The following SGCD variants were observed in gnomAD, a reference collection of about 807,000 sequenced individuals.
The protein encoded by SGCD is delta-sarcoglycan.
SGCD carries 18 observed loss-of-function variants against 36.6 expected under a neutral mutation model. The ratio of observed to expected loss-of-function variants is 0.49; its 90% CI spans 0.34 to 0.73. The LOEUF (loss-of-function observed/expected upper bound fraction) is 0.73, where lower values mean the gene tolerates loss of function less well. Ranked by LOEUF, SGCD falls within the 30% of genes least tolerant of loss-of-function variation. SGCD has a pLI of 0.01. For synonymous variants in SGCD, 133 were observed against 130.6 expected (o/e 1.02, Z -0.12); for missense variants, 387 against 346.7 (o/e 1.12, Z -0.92).
chr5:156,099,903 G>T (rs1761480013), intron 1 of SGCD, among the ~76,000 whole-genome samples: 2 of 150,400 alleles, frequency 1.3e-5, no homozygotes, highest in Non-Finnish European at 2.9e-5. Context: ...GTTAATATAT[G>T]CAGTGAAAAC....
chr5:156,611,351 C>G (rs888987187), intron 6 of SGCD, among the ~76,000 whole-genome samples: 16 of 152,104 alleles, frequency 1.1e-4, no homozygotes, highest in Non-Finnish European at 2.2e-4. Flanking sequence ...CTTTTTTTCT[C>G]CTTTATTTGT....
intron 6 of SGCD, among the ~76,000 whole-genome samples, 153 bp downstream of exon 6, chr5:156,595,204 AG>A (rs1760879786): frequency 6.6e-6 from 1 of 152,026 alleles, no homozygotes; most frequent in Admixed American, 6.6e-5. Context: ...TGGAGCCTTG[AG>A]GGGTAATTAA....
intron 3 of SGCD, among the ~76,000 whole-genome samples, chr5:156,285,515 T>A (rs1011954862): frequency 2.6e-5 from 4 of 152,040 alleles, no homozygotes; most frequent in Non-Finnish European, 5.9e-5. Flanking sequence ...TCAGAAATAA[T>A]GCCACATATC....
At chr5:156,342,551 G>T (rs1399219166) in intron 2 of SGCD, among the ~76,000 whole-genome samples, 1 of 152,160 alleles carries the variant, frequency 6.6e-6, no homozygotes, top group Non-Finnish European at 1.5e-5. Context: ...GGCTTATAAA[G>T]CATTATTTTT....
the SGCD span, among the ~76,000 whole-genome samples, chr5:155,767,541 A>G: frequency 6.6e-6 from 1 of 151,968 alleles, no homozygotes; most frequent in East Asian, 1.9e-4. Context: ...GTTTTTAAGG[A>G]ACAGCAGTTT....
intron 4 of SGCD, among the ~76,000 whole-genome samples, chr5:156,546,484 T>C (rs2113174685): frequency 6.6e-6 from 1 of 152,244 alleles, no homozygotes; most frequent in African/African-American, 2.4e-5. Flanking sequence ...CTATGGAAAA[T>C]GGAAGAACAA....
At chr5:156,229,261 C>T (rs7730483) in intron 3 of SGCD, among the ~76,000 whole-genome samples, 37 of 13,990 alleles carry the variant, frequency 2.6e-3, no homozygotes, top group East Asian at 6.5e-3. Flanking sequence ...TACATACATA[C>T]ATATATATAT....
At chr5:156,307,854 G>T (rs1041877435) in intron 3 of SGCD, among the ~76,000 whole-genome samples, 22 of 151,956 alleles carry the variant, frequency 1.4e-4, no homozygotes, top group Admixed American at 5.2e-4. Flanking sequence ...TTCACTTTGT[G>T]TGTTTAAGAA....
chr5:156,646,189 G>C lies in SGCD; in HGVS notation c.503-1275G>C, dbSNP rs138087764. ...AAGGGTATTTGGTTGGACAATGGGA[G>C]CTGAGTGAGTGGGAGTTGAGGGAGC... On this transcript the variant is annotated intron_variant, in intron 6 of 8. Transcript: ENST00000337851. 1.2e-3 allele frequency among the ~76,000 whole-genome samples: 182 copies of C among 152,270 alleles called. 1 individual carries two copies. Among genetic ancestry groups the C allele is most frequent in the African/African-American group, 4.1e-3 (171 of 41,560 alleles).
chr5:155,856,984 A>G, the SGCD span, among the ~76,000 whole-genome samples: 2 of 152,220 alleles, frequency 1.3e-5, no homozygotes, highest in East Asian at 1.9e-4. Context: ...CTGTAATCCC[A>G]GTACTTTGGG....
intron 1 of SGCD, among the ~76,000 whole-genome samples, chr5:155,937,380 C>T (rs2113402920): frequency 6.6e-6 from 1 of 152,310 alleles, no homozygotes; most frequent in South Asian, 2.1e-4. Context: ...GTAACCTCCT[C>T]CTAAAGCCTA....
chr5:156,163,527 G>A (rs1300238314), intron 3 of SGCD, among the ~76,000 whole-genome samples: 11 of 151,580 alleles, frequency 7.3e-5, no homozygotes, highest in Admixed American at 7.2e-4. Flanking sequence ...AACCAGACCT[G>A]TTTGACCTGA....
intron 1 of SGCD, among the ~76,000 whole-genome samples, chr5:156,069,039 G>T (rs1477225317): frequency 1.3e-5 from 2 of 152,050 alleles, no homozygotes; most frequent in East Asian, 1.9e-4. Context: ...TGTCAGATGA[G>T]TAGATTGCAA....
At chr5:156,528,165 A>C (rs1757720274) in intron 4 of SGCD, among the ~76,000 whole-genome samples, 1 of 152,162 alleles carries the variant, frequency 6.6e-6, no homozygotes. Flanking sequence ...CCTGAATTTG[A>C]ATCTTTGCTC....
At chr5:156,490,314 C>G (rs1755878729) in intron 3 of SGCD, among the ~76,000 whole-genome samples, 2 of 151,942 alleles carry the variant, frequency 1.3e-5, no homozygotes, top group Admixed American at 1.3e-4. Flanking sequence ...TTAAACTGCT[C>G]CCAAAAATAA....
the SGCD span, among the ~76,000 whole-genome samples, chr5:155,842,711 A>G: frequency 6.6e-6 from 1 of 152,250 alleles, no homozygotes; most frequent in Non-Finnish European, 1.5e-5. Flanking sequence ...ATAGAATTTT[A>G]ATAAATTAGC....
At position 156,068,779 on chromosome 5, in the gene SGCD, C is replaced by A. The variant is rs1341056215; in HGVS notation, c.-281-49099C>A. ...TCCTATTTCTCCACATCCTCTCCAG[C>A]ACCTGTTGTTTCCTGACTTCTTAAT... On this transcript the variant is annotated intron_variant, in intron 1 of 9. Coordinates refer to the SGCD transcript ENST00000517913. Among the ~76,000 whole-genome samples, 12 of 151,862 alleles carry A rather than the reference C, an allele frequency of 7.9e-5. No homozygotes were observed. In the East Asian group the frequency reaches 9.6e-4, roughly 12 times the overall value.
intron 1 of SGCD, among the ~76,000 whole-genome samples, chr5:155,975,629 TTTTTTTTTTTTTTTTTTG>T (rs1758098821): frequency 7.1e-5 from 7 of 98,574 alleles, no homozygotes; most frequent in South Asian, 4.0e-4. Context: ...TTTTTTTTTT[TTTTTTTTTTTTTTTTTTG>T]AGACGGAGTT....
chr5:156,028,108 T>G (rs1436673222), intron 1 of SGCD, among the ~76,000 whole-genome samples: 1 of 152,146 alleles, frequency 6.6e-6, no homozygotes, highest in African/African-American at 2.4e-5. Context: ...TTGGAACACT[T>G]CAGCTAATAG....
Sources: gnomAD v4.1 joint callset for allele counts (sites outside exome capture counted in the v4.1 genomes callset) on GRCh38, gnomAD v4.1.1 for gene constraint, MANE v1.5 for transcripts, NCBI Gene and HGNC (gene_info 2026-07-23, HGNC 2026-07-21) for gene names.